The following PHF14 variants were observed in gnomAD, a reference collection of about 807,000 sequenced individuals.
The protein encoded by PHF14 is PHD finger protein 14.
PHF14 carries 55 observed loss-of-function variants against 117.9 expected under a neutral mutation model. The ratio of observed to expected loss-of-function variants is 0.47; its 90% CI spans 0.38 to 0.58. PHF14 has a LOEUF of 0.58. PHF14 is among the 20% of genes least tolerant of loss of function. PHF14 has a pLI of 0.00. For missense variants in PHF14, 978 were observed against 1,122.2 expected (o/e 0.87, Z 1.84); for synonymous variants, 409 against 368.6 (o/e 1.11, Z -1.26).
chr7:11,045,282 C>T (rs1490066833), intron 13 of PHF14, among the ~76,000 whole-genome samples: 1 of 152,094 alleles, frequency 6.6e-6, no homozygotes, highest in African/African-American at 2.4e-5. Context: ...TTTAATTTCT[C>T]CTTGTTTCTA....
chr7:11,153,052 A>G (rs1414353076), intron 17 of PHF14, among the ~76,000 whole-genome samples: 1 of 152,186 alleles, frequency 6.6e-6, no homozygotes, highest in Admixed American at 6.5e-5. Flanking sequence ...ATACAAAGCT[A>G]CTAGAGAGTT....
chr7:11,141,167 T>C (rs1788387148), intron 17 of PHF14, among the ~76,000 whole-genome samples: 1 of 152,106 alleles, frequency 6.6e-6, no homozygotes, highest in African/African-American at 2.4e-5. Context: ...CAGTTACACC[T>C]TAAGTTTTAC....
intron 4 of PHF14, among the ~76,000 whole-genome samples, chr7:10,992,274 G>C (rs1162272593): frequency 6.7e-6 from 1 of 150,352 alleles, no homozygotes; most frequent in South Asian, 2.1e-4. Context: ...GGCTGGTCTC[G>C]ATTTCCTGGC....
intron 4 of PHF14, among the ~76,000 whole-genome samples, chr7:11,007,961 C>T (rs919934950): frequency 6.6e-6 from 1 of 152,158 alleles, no homozygotes; most frequent in African/African-American, 2.4e-5. Flanking sequence ...TTGAGGGCTG[C>T]AGTGTGTCAC....
intron 14 of PHF14, among the ~76,000 whole-genome samples, chr7:11,057,589 GT>G (rs2128328303): frequency 6.6e-6 from 1 of 152,148 alleles, no homozygotes; most frequent in African/African-American, 2.4e-5. Context: ...GGCCAGGCTG[GT>G]TTCAAACTCG....
intron 16 of PHF14, among the ~76,000 whole-genome samples, chr7:11,066,834 G>GT (rs1378815544): frequency 8.5e-5 from 13 of 152,152 alleles, no homozygotes; most frequent in African/African-American, 3.1e-4. Context: ...GGAGTAAGCT[G>GT]TTTCGTTTTT....
intron 4 of PHF14, among the ~76,000 whole-genome samples, chr7:10,991,265 C>T (rs1233349970): frequency 6.6e-6 from 1 of 152,114 alleles, no homozygotes; most frequent in Non-Finnish European, 1.5e-5. Flanking sequence ...ACTTCATCCT[C>T]CGCCTCCTGG....
In PHF14 at chr7:11,025,195, G is replaced by A. The variant is rs151046691; in HGVS notation, c.1317+2216G>A. 4.2e-3 allele frequency among the ~76,000 whole-genome samples: 645 copies of A among 152,226 alleles called. 3 individuals carry two copies. Among genetic ancestry groups the A allele is most frequent in the East Asian group, 6.0e-3 (31 of 5,172 alleles). On this transcript the variant is annotated intron_variant, in intron 6 of 17. Transcript: ENST00000634607. ...TAGCCAAAGGTGACTGAACTGCTGCGATCTCATGATAAAAATTTGAACAGA... is the reference window on the plus strand; with the variant it reads ...TAGCCAAAGGTGACTGAACTGCTGCAATCTCATGATAAAAATTTGAACAGA...
At chr7:11,106,218 A>G (rs771118779) in intron 16 of PHF14, 24 of 978,732 alleles carry the variant, frequency 2.5e-5, no homozygotes, top group Non-Finnish European at 2.8e-5. Flanking sequence ...TTAAGTGACT[A>G]TTAAATACAG....
intron 17 of PHF14, among the ~76,000 whole-genome samples, chr7:11,140,221 T>C (rs1329363961): frequency 6.6e-6 from 1 of 152,146 alleles, no homozygotes; most frequent in African/African-American, 2.4e-5. Flanking sequence ...TAGCCCGTTA[T>C]ACGACCCTAC....
At chr7:11,081,591 C>A (rs941392084) in intron 16 of PHF14, among the ~76,000 whole-genome samples, 2 of 152,012 alleles carry the variant, frequency 1.3e-5, no homozygotes, top group Non-Finnish European at 2.9e-5. Context: ...TCGTGGTGAC[C>A]CACAACTGTA....
chr7:10,979,987 G>A (rs1177000470), intron 2 of PHF14, among the ~76,000 whole-genome samples: 1 of 152,012 alleles, frequency 6.6e-6, no homozygotes, highest in Non-Finnish European at 1.5e-5. Flanking sequence ...TTAAAAAATT[G>A]CTTTCTATTC....
intron 16 of PHF14, among the ~76,000 whole-genome samples, chr7:11,089,731 G>A (rs140516495): frequency 3.4e-5 from 5 of 147,234 alleles, no homozygotes; most frequent in African/African-American, 1.2e-4. Flanking sequence ...ACTTTATGAT[G>A]TGACTTTAGT....
chr7:11,010,247 T>C (rs1237554887), intron 4 of PHF14, among the ~76,000 whole-genome samples: 2 of 152,190 alleles, frequency 1.3e-5, no homozygotes, highest in African/African-American at 4.8e-5. Flanking sequence ...TAATGTTTTG[T>C]TCTTTTATTG....
chr7:11,157,346 G>T (rs1319633936), intron 17 of PHF14, among the ~76,000 whole-genome samples: 3 of 148,988 alleles, frequency 2.0e-5, no homozygotes, highest in Admixed American at 1.3e-4. Context: ...TCTAAAATGA[G>T]AACATTATTT....
chr7:11,032,571 A>G (rs930193658), intron 7 of PHF14, among the ~76,000 whole-genome samples: 6 of 152,158 alleles, frequency 3.9e-5, no homozygotes, highest in Admixed American at 2.0e-4. Context: ...AACTTAATCC[A>G]TAGATGGATT....
chr7:11,104,560 T>C, intron 16 of PHF14: 2 of 982,478 alleles, frequency 2.0e-6, no homozygotes. Flanking sequence ...ATGATAGTTG[T>C]TTATCACACA....
intron 17 of PHF14, among the ~76,000 whole-genome samples, chr7:11,119,620 T>C (rs951655780): frequency 6.6e-6 from 1 of 151,874 alleles, no homozygotes; most frequent in Admixed American, 6.6e-5. Context: ...ATTGCATGCA[T>C]TGTAGATGTA....
chr7:10,992,688 G>C (rs943104889), intron 4 of PHF14, among the ~76,000 whole-genome samples: 5 of 151,960 alleles, frequency 3.3e-5, no homozygotes, highest in Non-Finnish European at 7.4e-5. Context: ...ACAAAAAAAG[G>C]CATTCTCTTA....
Sources: allele counts gnomAD v4.1 joint callset (sites outside exome capture counted in the v4.1 genomes callset), GRCh38; gene constraint gnomAD v4.1.1; transcripts MANE v1.5; gene names NCBI Gene and HGNC (gene_info 2026-07-23, HGNC 2026-07-21).